The following CPA3 variants were observed in gnomAD, a reference collection of about 807,000 sequenced individuals.
The protein encoded by CPA3 is mast cell carboxypeptidase A.
Under a neutral mutation model 55.8 loss-of-function variants are expected in CPA3, and 52 were observed. The ratio of observed to expected loss-of-function variants is 0.93; its 90% confidence interval spans 0.75 to 1.17. The LOEUF (loss-of-function observed/expected upper bound fraction) is 1.17. Ranked by LOEUF, CPA3 falls within the 50% of genes most tolerant of loss-of-function variation. The pLI is 0.00. For synonymous variants in CPA3, 179 were observed against 171.2 expected (o/e 1.05, Z -0.36); for missense variants, 547 against 509.1 (o/e 1.07, Z -0.72).
At position 148,869,025 on chromosome 3, in the gene CPA3, T is replaced by C; in HGVS notation, c.255T>C (p.Asn85=). 3 of 1,613,924 alleles carry C rather than the reference T, an allele frequency of 1.9e-6. No homozygotes were observed. The highest frequency in any genetic ancestry group is 2.2e-5 in the East Asian group (1 of 44,854). ...SQAIQSALDQ[N]KMHYEILIHD... The stretch of plus-strand genomic sequence containing the variant: ...CCATCCAGTCTGCCTTGGATCAAAA[T>C]AAAATGCACTATGAGTAAGTCCTTG... The change falls in exon 3 of 11, where the codon AAT becomes AAC. Residue 85 remains asparagine (N), a synonymous_variant. Transcript: ENST00000296046.
chr3:148,870,288 T>C (rs922699275), intron 3 of CPA3, among the ~76,000 whole-genome samples: 2 of 151,712 alleles, frequency 1.3e-5, no homozygotes, highest in African/African-American at 2.4e-5. Flanking sequence ...ATTTTATACC[T>C]CCATTACCTG....
intron 8 of CPA3, 64 bp downstream of exon 8, chr3:148,882,659 TA>T (rs1714404000): frequency 1.6e-5 from 19 of 1,221,844 alleles, no homozygotes; most frequent in Middle Eastern, 3.7e-4. Flanking sequence ...CAAACTTAAC[TA>T]AAACACCTAC....
At chr3:148,870,811 T>A (rs1714044140) in intron 3 of CPA3, among the ~76,000 whole-genome samples, 1 of 152,202 alleles carries the variant, frequency 6.6e-6, no homozygotes, top group Admixed American at 6.5e-5. Context: ...TATTACATTA[T>A]CTGTTTACAT....
At chr3:148,884,702 C>A (rs1177588707) in intron 9 of CPA3, among the ~76,000 whole-genome samples, 1 of 152,022 alleles carries the variant, frequency 6.6e-6, no homozygotes, top group Non-Finnish European at 1.5e-5. Flanking sequence ...TCCATATATA[C>A]AACAAAGAAG....
At chr3:148,893,271 A>G (rs73011234) in intron 10 of CPA3, among the ~76,000 whole-genome samples, 9,419 of 152,038 alleles carry the variant, frequency 0.062, 1,017 homozygotes, top group African/African-American at 0.21. Context: ...ACAAACAATT[A>G]CAGATGGCCT....
At chr3:148,886,960 G>A (rs1240608812) in intron 10 of CPA3, among the ~76,000 whole-genome samples, 2 of 152,174 alleles carry the variant, frequency 1.3e-5, no homozygotes, top group Admixed American at 6.5e-5. Flanking sequence ...GAGATCACAA[G>A]ACTCTAGTTC....
intron 5 of CPA3, 134 bp from the exon 6 acceptor site, chr3:148,879,654 A>T (rs1185553527): frequency 4.4e-5 from 27 of 608,536 alleles, no homozygotes; most frequent in Non-Finnish European, 7.2e-5. Flanking sequence ...TGAGAACAAT[A>T]TGTGCATACA....
In CPA3 at chr3:148,884,868, CA is replaced by C. The variant is rs34016348; in HGVS notation, c.981+1064del. On this transcript the variant is annotated intron_variant, in intron 9 of 10. Transcript: ENST00000296046. Reference sequence around the variant, plus strand: ...ATGGGTTAAAAAAAATACATATCCACAAAAAAAAAAACCACTTTGAGTAAAA... The same window carrying C: ...ATGGGTTAAAAAAAATACATATCCACAAAAAAAAAACCACTTTGAGTAAAA... Among the ~76,000 whole-genome samples the C allele has an allele frequency of 3.3e-3, 472 of 143,216 alleles. 1 individual carries two copies. The highest frequency in any genetic ancestry group is 0.014 in the East Asian group (65 of 4,814). The allele number at this position is 143,216 out of a possible 152,430, so 94.0% of individuals were successfully genotyped here.
Position 148,896,900 on chromosome 3 carries a change from A to T in CPA3, c.*193A>T. 4.8e-6 allele frequency: 2 copies of T among 420,204 alleles called. No individual in the cohort carries two copies. The highest frequency in any genetic ancestry group is 8.3e-6 in the Non-Finnish European group (2 of 240,534). The allele number at this position is 420,204 out of a possible 1,614,324, so 26.0% of individuals were successfully genotyped here. A position where few individuals can be genotyped will look rare whatever the true frequency, so the allele number is the denominator to read the frequency against. On this transcript the variant is annotated 3_prime_UTR_variant, in exon 11 of 11. Coordinates refer to ENST00000296046, the MANE Select transcript of CPA3 (RefSeq NM_001870.4). ...CCATAACGAAGTAGCTTTAAGTGAAACCTTTTAACTACCTTTCTTTGCTCC... is the reference window on the plus strand; with the variant it reads ...CCATAACGAAGTAGCTTTAAGTGAATCCTTTTAACTACCTTTCTTTGCTCC...
At chr3:148,873,025 T>TAC (rs10536988) in intron 3 of CPA3, among the ~76,000 whole-genome samples, 4,363 of 103,756 alleles carry the variant, frequency 0.042, 81 homozygotes, top group Middle Eastern at 0.089. Flanking sequence ...CTTCTATGAA[T>TAC]ACACACACAC....
At chr3:148,874,431 T>G (rs1027071142) in intron 3 of CPA3, among the ~76,000 whole-genome samples, 5 of 152,170 alleles carry the variant, frequency 3.3e-5, no homozygotes, top group Admixed American at 6.5e-5. Context: ...AAGCAATTAG[T>G]TATGTCTGTA....
At chr3:148,887,496 G>A (rs1714563882) in intron 10 of CPA3, among the ~76,000 whole-genome samples, 1 of 152,096 alleles carries the variant, frequency 6.6e-6, no homozygotes, top group South Asian at 2.1e-4. Flanking sequence ...CAAAAGCCCT[G>A]ATCCTGACCA....
intron 3 of CPA3, among the ~76,000 whole-genome samples, chr3:148,875,151 C>T (rs995759054): frequency 6.6e-6 from 1 of 151,972 alleles, no homozygotes; most frequent in Non-Finnish European, 1.5e-5. Flanking sequence ...TTTATAGTGA[C>T]GGAAAGAGTA....
At chr3:148,881,761 C>A (rs1401059369) in intron 7 of CPA3, 129 bp downstream of exon 7, 2 of 469,568 alleles carry the variant, frequency 4.3e-6, no homozygotes, top group Non-Finnish European at 7.2e-6. Context: ...TTTTTAAAAT[C>A]TCAGTTTCAA....
intron 10 of CPA3, among the ~76,000 whole-genome samples, chr3:148,895,249 A>G (rs1427460230): frequency 6.6e-6 from 1 of 152,116 alleles, no homozygotes; most frequent in Non-Finnish European, 1.5e-5. Flanking sequence ...GTTTCTAACA[A>G]TGCCTCCATG....
intron 2 of CPA3, 33 bp downstream of exon 2, chr3:148,865,581 T>C (rs1264658893): frequency 1.3e-6 from 2 of 1,563,468 alleles, no homozygotes; most frequent in Non-Finnish European, 1.8e-6. Flanking sequence ...TATCTTTTCT[T>C]ACTGTTCTCT....
chr3:148,867,331 G>T (rs1352512737), intron 2 of CPA3, among the ~76,000 whole-genome samples: 2 of 152,212 alleles, frequency 1.3e-5, no homozygotes, highest in East Asian at 3.9e-4. Context: ...TCGTGACTCA[G>T]TTTTGGCTGC....
intron 9 of CPA3, among the ~76,000 whole-genome samples, chr3:148,884,989 T>G (rs1576583765): frequency 6.6e-6 from 1 of 152,212 alleles, no homozygotes; most frequent in Non-Finnish European, 1.5e-5. Flanking sequence ...TCTTTGTGAG[T>G]GCAAATATGT....
chr3:148,896,588 C>A lies in CPA3; in HGVS notation c.1135C>A (p.Leu379Ile). The change falls in exon 11 of 11, where the codon CTC (leucine) becomes ATC (isoleucine). Residue 379 changes from leucine (L) to isoleucine (I), a missense_variant. Coordinates refer to ENST00000296046, the MANE Select transcript of CPA3 (RefSeq NM_001870.4). ...LGIKHTFAFELRDKGKFGFLL... is the reference protein window; with the variant it reads ...LGIKHTFAFEIRDKGKFGFLL... ...CATCAAACACACATTTGCCTTTGAGCTCCGAGATAAAGGCAAATTTGGTTT... is the reference window on the plus strand; with the variant it reads ...CATCAAACACACATTTGCCTTTGAGATCCGAGATAAAGGCAAATTTGGTTT... 6.3e-7 allele frequency: 1 copy of A among 1,587,668 alleles called. No individual in the cohort carries two copies. The highest frequency in any genetic ancestry group is 8.6e-7 in the Non-Finnish European group (1 of 1,159,806).
Sources: gnomAD v4.1 joint callset for allele counts (sites outside exome capture counted in the v4.1 genomes callset) on GRCh38, gnomAD v4.1.1 for gene constraint, MANE v1.5 for transcripts, NCBI Gene and HGNC (gene_info 2026-07-23, HGNC 2026-07-21) for gene names.